The following PIGK variants were observed in gnomAD, a reference collection of about 807,000 sequenced individuals.
PIGK encodes GPI-anchor transamidase.
PIGK carries 42 observed loss-of-function variants against 50.6 expected under a neutral mutation model. That is an observed-to-expected ratio of 0.83 (90% CI 0.65 to 1.07). The LOEUF (loss-of-function observed/expected upper bound fraction) is 1.07, where lower values mean the gene tolerates loss of function less well. Among genes scored for constraint, PIGK ranks in the 50% least tolerant of loss-of-function variants. The probability of loss-of-function intolerance (pLI) is 0.00; values close to 1 mark genes in which losing one functional copy is unlikely to be tolerated. For missense variants in PIGK, 448 were observed against 488.7 expected (o/e 0.92, Z 0.78); for synonymous variants, 151 against 156.0 (o/e 0.97, Z 0.24).
intron 9 of PIGK, among the ~76,000 whole-genome samples, chr1:77,149,042 C>A (rs2653467): frequency 0.011 from 1,656 of 152,082 alleles, 24 homozygotes; most frequent in African/African-American, 0.038. Context: ...CTTATTAGAA[C>A]TATACGATTT....
At chr1:77,151,821 C>T (rs553210872) in intron 9 of PIGK, among the ~76,000 whole-genome samples, 1 of 152,154 alleles carries the variant, frequency 6.6e-6, no homozygotes, top group African/African-American at 2.4e-5. Context: ...ACTACACAAA[C>T]CTGATGAAAT....
intron 10 of PIGK, among the ~76,000 whole-genome samples, chr1:77,099,338 T>C (rs1367580063): frequency 6.6e-6 from 1 of 152,196 alleles, no homozygotes; most frequent in Admixed American, 6.5e-5. Context: ...GCTTTAAATC[T>C]CTTCTCTATA....
At chr1:77,205,237 G>T (rs752329850) in intron 3 of PIGK, among the ~76,000 whole-genome samples, 1 of 151,894 alleles carries the variant, frequency 6.6e-6, no homozygotes, top group African/African-American at 2.4e-5. Context: ...CAGTATAGAC[G>T]CAAGAGCCGT....
chr1:77,146,314 A>G (rs1570220531), intron 9 of PIGK, among the ~76,000 whole-genome samples: 1 of 152,322 alleles, frequency 6.6e-6, no homozygotes, highest in South Asian at 2.1e-4. Context: ...AAGCATAAAG[A>G]AAAAATAAGT....
At chr1:77,128,755 T>C (rs965005041) in intron 9 of PIGK, among the ~76,000 whole-genome samples, 4 of 152,246 alleles carry the variant, frequency 2.6e-5, no homozygotes, top group Admixed American at 2.0e-4. Flanking sequence ...CACATATTTA[T>C]ATACACATGA....
intron 9 of PIGK, among the ~76,000 whole-genome samples, 167 bp from the exon 10 acceptor site, chr1:77,122,526 T>A (rs555232078): frequency 2.0e-4 from 31 of 152,218 alleles, no homozygotes; most frequent in Non-Finnish European, 4.1e-4. Flanking sequence ...AAATTTTAAA[T>A]GACTATAGAA....
intron 4 of PIGK, among the ~76,000 whole-genome samples, chr1:77,167,205 G>C (rs1428122328): frequency 6.6e-6 from 1 of 152,054 alleles, no homozygotes; most frequent in African/African-American, 2.4e-5. Flanking sequence ...GTTTAAAATA[G>C]CCAGGTATGG....
At chr1:77,200,839 T>C (rs1194381029) in intron 3 of PIGK, among the ~76,000 whole-genome samples, 1 of 152,086 alleles carries the variant, frequency 6.6e-6, no homozygotes, top group African/African-American at 2.4e-5. Context: ...GTATGTAAAA[T>C]GTGAAAAAAC....
At position 77,171,436 on chromosome 1, in the gene PIGK, CAAAAAAAAA is replaced by C. The variant is rs58788160; in HGVS notation, c.240-2050_240-2042del. Among the ~76,000 whole-genome samples, 284 of 46,890 alleles carry C rather than the reference CAAAAAAAAA, an allele frequency of 6.1e-3. 4 individuals carry two copies. The highest frequency in any genetic ancestry group is 0.015 in the African/African-American group (200 of 13,392). 30.8% of individuals were successfully genotyped at this position (46,890 alleles called of 152,430 possible). On this transcript the variant is annotated intron_variant, in intron 3 of 10. Transcript: ENST00000370812. ...TGGGCAACAGAGCAAGACTCCACCTCAAAAAAAAAAAAAAAAAAAAAAAAAAAGAATATT... is the reference window on the plus strand; with the variant it reads ...TGGGCAACAGAGCAAGACTCCACCTCAAAAAAAAAAAAAAAAAAGAATATT...
chr1:77,185,654 G>A (rs995644345), intron 3 of PIGK, among the ~76,000 whole-genome samples: 1 of 152,124 alleles, frequency 6.6e-6, no homozygotes. Context: ...AAGGCTGCCA[G>A]TTTTGAGTGG....
chr1:77,190,315 T>G (rs911291726), intron 3 of PIGK, among the ~76,000 whole-genome samples: 2 of 152,024 alleles, frequency 1.3e-5, no homozygotes, highest in Non-Finnish European at 2.9e-5. Context: ...GCGGGAGGAC[T>G]GCCTAAACCC....
chr1:77,114,080 A>G (rs1653912037), intron 10 of PIGK, among the ~76,000 whole-genome samples: 1 of 152,158 alleles, frequency 6.6e-6, no homozygotes, highest in Non-Finnish European at 1.5e-5. Context: ...TACATTTTCA[A>G]TTCATCAGAA....
intron 4 of PIGK, 113 bp downstream of exon 4, chr1:77,169,147 T>G (rs1162150650): frequency 1.6e-6 from 1 of 622,040 alleles, no homozygotes; most frequent in African/African-American, 1.9e-5. Flanking sequence ...CATCAAGGCT[T>G]CAGTGACAAT....
chr1:77,150,981 A>G (rs1654883089), intron 9 of PIGK, among the ~76,000 whole-genome samples: 1 of 152,190 alleles, frequency 6.6e-6, no homozygotes, highest in African/African-American at 2.4e-5. Context: ...AATACTTCCA[A>G]ATTCATCTAT....
intron 3 of PIGK, among the ~76,000 whole-genome samples, chr1:77,200,704 T>C (rs1420499148): frequency 6.6e-6 from 1 of 152,180 alleles, no homozygotes; most frequent in African/African-American, 2.4e-5. Context: ...AGAAGACAGC[T>C]GTGCTAAAAC....
intron 3 of PIGK, among the ~76,000 whole-genome samples, chr1:77,186,854 C>A (rs1296328674): frequency 6.6e-6 from 1 of 152,142 alleles, no homozygotes; most frequent in Admixed American, 6.5e-5. Flanking sequence ...AATATGGCAC[C>A]ATTCCTCGGC....
chr1:77,116,683 A>G (rs995532207), intron 10 of PIGK, among the ~76,000 whole-genome samples: 1 of 151,956 alleles, frequency 6.6e-6, no homozygotes, highest in African/African-American at 2.4e-5. Context: ...AATAATAGTC[A>G]TCAGGACCAA....
At chr1:77,206,150 G>A (rs1177778998) in intron 3 of PIGK, among the ~76,000 whole-genome samples, 2 of 152,142 alleles carry the variant, frequency 1.3e-5, no homozygotes, top group Admixed American at 1.3e-4. Context: ...CTGAGTCTAG[G>A]CTTCAGCAAT....
rs1172947846 is a variant in PIGK, at chr1:77,219,308, A to C, written c.93+2T>G. 6.2e-7 allele frequency: 1 copy of C among 1,612,676 alleles called. No individual in the cohort carries two copies. The highest frequency in any genetic ancestry group is 1.1e-5 in the South Asian group (1 of 90,980). ...CTGTGGTCAAATGAGCCTGACTCCT[A>C]CCTCGATATGACTAGCGGCCACGCT... On this transcript the variant is annotated splice_donor_variant, in intron 1 of 10. Transcript: ENST00000370812. LOFTEE classifies it high-confidence loss of function.
Sources: gnomAD v4.1 joint callset for allele counts (sites outside exome capture counted in the v4.1 genomes callset) on GRCh38, gnomAD v4.1.1 for gene constraint, MANE v1.5 for transcripts, NCBI Gene and HGNC (gene_info 2026-07-23, HGNC 2026-07-21) for gene names.